EPHA7: variants seen among roughly 807,000 people sequenced by gnomAD.
The protein encoded by EPHA7 is EPH receptor A7.
In EPHA7, 25 loss-of-function variants were observed where a neutral mutation model predicts 112.6. The ratio of observed to expected loss-of-function variants is 0.22; its 90% CI spans 0.16 to 0.31. EPHA7 has a LOEUF of 0.31. EPHA7 is among the 10% of genes least tolerant of loss of function. The pLI is 1.00. For synonymous variants in EPHA7, 437 were observed against 406.5 expected (o/e 1.07, Z -0.90); for missense variants, 962 against 1,212.6 (o/e 0.79, Z 3.07).
chr6:93,310,375 A>T (rs1047288538), intron 5 of EPHA7, among the ~76,000 whole-genome samples: 7 of 152,238 alleles, frequency 4.6e-5, no homozygotes, highest in Non-Finnish European at 1.0e-4. Flanking sequence ...AACTTAAAAA[A>T]CAAAACAAAG....
intron 5 of EPHA7, among the ~76,000 whole-genome samples, chr6:93,320,640 A>G (rs1340527089): frequency 6.6e-6 from 1 of 152,154 alleles, no homozygotes; most frequent in Non-Finnish European, 1.5e-5. Flanking sequence ...GACACAGGTC[A>G]GAGGTGCAAT....
At chr6:93,317,465 C>G (rs1157477261) in intron 5 of EPHA7, among the ~76,000 whole-genome samples, 5 of 152,104 alleles carry the variant, frequency 3.3e-5, no homozygotes, top group Non-Finnish European at 7.4e-5. Flanking sequence ...GGTATTTTTA[C>G]ATATGAATTA....
rs1334545574 is a variant in EPHA7, at chr6:93,286,011, A to G, written c.1325-13589T>C. ...GCTGGGGAATTCTAACACAGAAAAC[A>G]TGGCCTGCAGGATGTGAAATATTTA... On this transcript the variant is annotated intron_variant, in intron 5 of 16. Coordinates refer to ENST00000369303, the MANE Select transcript of EPHA7 (RefSeq NM_004440.4). Among the ~76,000 whole-genome samples, 3 of 152,206 alleles carry G rather than the reference A, an allele frequency of 2.0e-5. No individual in the cohort carries two copies. The East Asian group carries it at 5.8e-4, about 29-fold the overall frequency.
intron 3 of EPHA7, among the ~76,000 whole-genome samples, chr6:93,405,803 GTGTGTGTGTGTATATATATATATATA>G (rs1778674886): frequency 3.2e-5 from 2 of 62,434 alleles, no homozygotes; most frequent in African/African-American, 7.1e-5. Flanking sequence ...GTGTGTGTGT[GTGTGTGTGTGTATATATATATATATA>G]TATATATATA....
chr6:93,419,527 T>C lies in EPHA7; in HGVS notation c.-186A>G, dbSNP rs932034720. ...CCCCCACTCCTGTTCGCTCGCACCG[T>C]GTTTGCTGCCTGCAAGTCTCCGACT... is the stretch of plus-strand genomic sequence containing the variant. On this transcript the variant is annotated 5_prime_UTR_variant, in exon 1 of 17. Coordinates refer to ENST00000369303, the MANE Select transcript of EPHA7 (RefSeq NM_004440.4). 8 of 548,370 alleles carry C rather than the reference T, an allele frequency of 1.5e-5. No homozygotes were observed. The highest frequency in any genetic ancestry group is 1.4e-4 in the African/African-American group (7 of 51,266). The allele number at this position is 548,370 out of a possible 1,614,324, so 34.0% of individuals were successfully genotyped here. A position where few individuals can be genotyped will look rare whatever the true frequency, so the allele number is the denominator to read the frequency against.
At chr6:93,338,717 A>G (rs1431941401) in intron 5 of EPHA7, among the ~76,000 whole-genome samples, 2 of 151,804 alleles carry the variant, frequency 1.3e-5, no homozygotes, top group Non-Finnish European at 2.9e-5. Flanking sequence ...ACAGCTACAG[A>G]GAGTTGATCT....
Position 93,276,769 on chromosome 6 carries a change from C to T in EPHA7, c.1325-4347G>A, listed in dbSNP as rs61238910. On this transcript the variant is annotated intron_variant, in intron 5 of 16. Coordinates refer to ENST00000369303, the MANE Select transcript of EPHA7 (RefSeq NM_004440.4). The stretch of plus-strand genomic sequence containing the variant: ...AAGGAATATTGACCTTGATTAAGAC[C>T]CAAAACACAATGTTTCACAGAAAAG... Among the ~76,000 whole-genome samples, 1,041 of 152,026 alleles carry T rather than the reference C, an allele frequency of 6.8e-3. 14 individuals carry two copies. The highest frequency in any genetic ancestry group is 0.023 in the African/African-American group (965 of 41,484).
At chr6:93,375,854 A>G (rs17688633) in intron 3 of EPHA7, among the ~76,000 whole-genome samples, 28,572 of 152,146 alleles carry the variant, frequency 0.19, 3,183 homozygotes, top group Non-Finnish European at 0.25. Context: ...TTTTTCTTCT[A>G]AAGGCAACTA....
chr6:93,247,439 A>G (rs9342357), intron 14 of EPHA7, among the ~76,000 whole-genome samples: 10,393 of 152,296 alleles, frequency 0.068, 534 homozygotes, highest in Admixed American at 0.13. Context: ...TGAATGTACT[A>G]TGACAGAAAA....
At chr6:93,300,199 C>A (rs1443282968) in intron 5 of EPHA7, among the ~76,000 whole-genome samples, 1 of 152,098 alleles carries the variant, frequency 6.6e-6, no homozygotes, top group African/African-American at 2.4e-5. Context: ...CCAGTAACAA[C>A]TGCTTAAATA....
chr6:93,351,910 G>T (rs1775714582), intron 5 of EPHA7, among the ~76,000 whole-genome samples: 1 of 151,982 alleles, frequency 6.6e-6, no homozygotes, highest in Non-Finnish European at 1.5e-5. Flanking sequence ...ACAATATGAC[G>T]AGTCAAATAG....
At chr6:93,379,001 G>C (rs1315470253) in intron 3 of EPHA7, among the ~76,000 whole-genome samples, 1 of 151,960 alleles carries the variant, frequency 6.6e-6, no homozygotes, top group African/African-American at 2.4e-5. Flanking sequence ...CATAGAAATG[G>C]AGATGAAAAA....
At chr6:93,245,554 G>A in intron 15 of EPHA7, 101 bp from the exon 16 acceptor site, 1 of 1,168,074 alleles carries the variant, frequency 8.6e-7, no homozygotes, top group Non-Finnish European at 1.2e-6. Context: ...AAAATTAGAT[G>A]TTTTAATTGG....
At position 93,269,467 on chromosome 6, in the gene EPHA7, G is replaced by A; in HGVS notation, c.1633+10C>T. The A allele has an allele frequency of 6.2e-7, 1 of 1,608,486 alleles. No homozygotes were observed. The highest frequency in any genetic ancestry group is 8.5e-7 in the Non-Finnish European group (1 of 1,176,770). ...TTGAGAGTAGGAATCCAAACCAAAG[G>A]CATAATTACCTTCAAACATTTTACC... On this transcript the variant is annotated intron_variant, in intron 7 of 16. Transcript: ENST00000369303.
At chr6:93,404,620 CAT>C (rs112219676) in intron 3 of EPHA7, among the ~76,000 whole-genome samples, 26,641 of 145,474 alleles carry the variant, frequency 0.18, 2,466 homozygotes, top group East Asian at 0.31. Context: ...TACATATAAT[CAT>C]ATATATATAT....
chr6:93,286,597 T>G (rs1448322667), intron 5 of EPHA7, among the ~76,000 whole-genome samples: 1 of 152,156 alleles, frequency 6.6e-6, no homozygotes, highest in African/African-American at 2.4e-5. Flanking sequence ...ATTTCTTCTC[T>G]GAATATAGAA....
rs1769656128 is a variant in EPHA7, at chr6:93,240,755, A to T, written c.*2671T>A. On this transcript the variant is annotated 3_prime_UTR_variant, in exon 17 of 17. Coordinates refer to ENST00000369303, the MANE Select transcript of EPHA7 (RefSeq NM_004440.4). ...CTGAGCACTAATTTATTTAAAAAAA[A>T]AGATTTCAAGGTGCAAGTTGTACAT... 1 of 213,242 alleles carries T rather than the reference A, an allele frequency of 4.7e-6. No individual in the cohort carries two copies. Among genetic ancestry groups the T allele is most frequent in the South Asian group, 1.9e-4 (1 of 5,362 alleles). 13.2% of individuals were successfully genotyped at this position (213,242 alleles called of 1,614,324 possible).
At chr6:93,405,813 G>GTGTATA (rs1357089640) in intron 3 of EPHA7, among the ~76,000 whole-genome samples, 130 of 73,972 alleles carry the variant, frequency 1.8e-3, no homozygotes, top group South Asian at 3.6e-3. Flanking sequence ...GTGTGTGTGT[G>GTGTATA]TATATATATA....
Position 93,364,245 on chromosome 6 carries a change from C to T in EPHA7, c.833-5834G>A, listed in dbSNP as rs571350931. 3.0e-3 allele frequency among the ~76,000 whole-genome samples: 460 copies of T among 152,110 alleles called. 4 individuals are homozygous for T. Among genetic ancestry groups the T allele is most frequent in the African/African-American group, 9.9e-3 (413 of 41,522 alleles). ...CTCTCATTATAAAATCCATCAGGGCCGGGCACGGTGGCTCATGCCTGTAAT... is the reference window on the plus strand; with the variant it reads ...CTCTCATTATAAAATCCATCAGGGCTGGGCACGGTGGCTCATGCCTGTAAT... On this transcript the variant is annotated intron_variant, in intron 3 of 16. Coordinates refer to ENST00000369303, the MANE Select transcript of EPHA7 (RefSeq NM_004440.4).
Sources: allele counts gnomAD v4.1 joint callset (sites outside exome capture counted in the v4.1 genomes callset), GRCh38; gene constraint gnomAD v4.1.1; transcripts MANE v1.5; gene names NCBI Gene and HGNC (gene_info 2026-07-23, HGNC 2026-07-21).